PDZD2: variants seen among roughly 807,000 people sequenced by gnomAD.
The protein encoded by PDZD2 is PDZ domain containing 2.
In PDZD2, 90 loss-of-function variants were observed where a neutral mutation model predicts 220.7. That is an observed-to-expected ratio of 0.41 (90% CI 0.34 to 0.49). The LOEUF (loss-of-function observed/expected upper bound fraction) is 0.49. Among genes scored for constraint, PDZD2 ranks in the 20% least tolerant of loss-of-function variants. PDZD2 has a pLI of 0.28. For missense variants in PDZD2, 3,174 were observed against 3,608.5 expected (o/e 0.88, Z 3.08); for synonymous variants, 1,375 against 1,450.5 (o/e 0.95, Z 1.18).
intron 1 of PDZD2, among the ~76,000 whole-genome samples, chr5:31,641,725 G>C (rs1744956128): frequency 6.6e-6 from 1 of 152,094 alleles, no homozygotes; most frequent in African/African-American, 2.4e-5. Flanking sequence ...CTGGGCTCAA[G>C]TGATCCTGGT....
In PDZD2 at chr5:31,799,135, A is replaced by G. The variant is rs1330228235; in HGVS notation, c.-114A>G. 1.5e-6 allele frequency: 1 copy of G among 669,718 alleles called. No individual in the cohort carries two copies. Among genetic ancestry groups the G allele is most frequent in the East Asian group, 2.7e-5 (1 of 36,724 alleles). The allele number at this position is 669,718 out of a possible 1,614,324, so 41.5% of individuals were successfully genotyped here. A position where few individuals can be genotyped will look rare whatever the true frequency, so the allele number is the denominator to read the frequency against. On this transcript the variant is annotated 5_prime_UTR_variant, in exon 2 of 25. The change abolishes an upstream ATG in the 5' untranslated region. Transcript: ENST00000438447. Reference sequence around the variant, plus strand: ...CCTAGGCTCATCTGCCAGCCTGAACATGAACACAGGCAAAGCTGATGATGG... The same window carrying G: ...CCTAGGCTCATCTGCCAGCCTGAACGTGAACACAGGCAAAGCTGATGATGG...
intron 1 of PDZD2, among the ~76,000 whole-genome samples, chr5:31,778,321 G>A (rs182743294): frequency 4.1e-4 from 63 of 151,958 alleles, no homozygotes; most frequent in African/African-American, 1.4e-3. Context: ...CAAGAGGCTC[G>A]GGTCCCCTTC....
intron 2 of PDZD2, among the ~76,000 whole-genome samples, chr5:31,921,681 C>A (rs1055525625): frequency 2.6e-5 from 4 of 152,180 alleles, no homozygotes; most frequent in Middle Eastern, 3.4e-3. Flanking sequence ...CAGAGTGAGA[C>A]CCCATCTCAA....
At chr5:31,711,177 G>A (rs148074539) in intron 1 of PDZD2, among the ~76,000 whole-genome samples, 3 of 152,234 alleles carry the variant, frequency 2.0e-5, no homozygotes, top group Admixed American at 6.5e-5. Flanking sequence ...TATTGGTCAA[G>A]GGATCTGGAC....
intron 1 of PDZD2, among the ~76,000 whole-genome samples, chr5:31,682,093 G>A (rs751874092): frequency 1.3e-5 from 2 of 152,172 alleles, no homozygotes; most frequent in Non-Finnish European, 2.9e-5. Flanking sequence ...GACCCAAGTG[G>A]CGAGTTTAAA....
intron 2 of PDZD2, among the ~76,000 whole-genome samples, chr5:31,845,891 A>G (rs1017241796): frequency 6.6e-6 from 1 of 152,240 alleles, no homozygotes; most frequent in Non-Finnish European, 1.5e-5. Flanking sequence ...GTTCTGTTGG[A>G]CTTCAAATAG....
chr5:31,700,138 T>C (rs805210), intron 1 of PDZD2, among the ~76,000 whole-genome samples: 102,576 of 151,862 alleles, frequency 0.68, 35,160 homozygotes, highest in East Asian at 0.88. Context: ...TGGGAATGGA[T>C]TGGGGGACAC....
chr5:31,659,151 A>G (rs928718168), intron 1 of PDZD2, among the ~76,000 whole-genome samples: 2 of 152,020 alleles, frequency 1.3e-5, no homozygotes, highest in African/African-American at 4.8e-5. Context: ...ACCTCTTTAA[A>G]TAATACTTAA....
In PDZD2 at chr5:32,088,550, G is replaced by T; in HGVS notation, c.5102G>T (p.Ser1701Ile). ...GCAGAAGAAACCACAGAAGTCACCA[G>T]CGCTAGCTCAGCCATGGAAAACAGT... ...SCAEETTEVTSASSAMENSPL... is the reference protein window; with the variant it reads ...SCAEETTEVTIASSAMENSPL... The change falls in exon 20 of 25, where the codon AGC becomes ATC. Residue 1701 changes from serine (S) to isoleucine (I), a missense_variant. Around this residue, in one of 4 missense-constraint regions of PDZD2, gnomAD observed 1,861 missense variants for 2,001.0 expected, o/e 0.93. Coordinates refer to ENST00000438447, the MANE Select transcript of PDZD2 (RefSeq NM_178140.4). The surrounding 1 kb of genome is among the most constrained non-coding windows in gnomAD (Gnocchi z 4.6). 6.2e-7 allele frequency: 1 copy of T among 1,614,066 alleles called. No homozygotes were observed. The highest frequency in any genetic ancestry group is 1.6e-4 in the Middle Eastern group (1 of 6,062).
At chr5:31,857,244 C>G (rs949031049) in intron 2 of PDZD2, among the ~76,000 whole-genome samples, 4 of 152,190 alleles carry the variant, frequency 2.6e-5, no homozygotes, top group Admixed American at 6.5e-5. Context: ...GGGTCCCTCC[C>G]TCATGAGAAC....
chr5:31,864,190 C>G (rs953495154), intron 2 of PDZD2, among the ~76,000 whole-genome samples: 2 of 152,208 alleles, frequency 1.3e-5, no homozygotes, highest in African/African-American at 4.8e-5. Flanking sequence ...CTGATTTCTT[C>G]TAAGCGCTTG....
At chr5:31,921,529 C>T (rs1392800206) in intron 2 of PDZD2, among the ~76,000 whole-genome samples, 1 of 146,078 alleles carries the variant, frequency 6.8e-6, no homozygotes, top group African/African-American at 2.5e-5. Context: ...TCCAAAAATA[C>T]AAAAAAAAAA....
intron 4 of PDZD2, among the ~76,000 whole-genome samples, chr5:31,997,312 T>C (rs576180418): frequency 4.7e-4 from 71 of 152,296 alleles, no homozygotes; most frequent in Non-Finnish European, 7.5e-4. Flanking sequence ...GAGCTGGAGA[T>C]AGTCTGAAGA....
At chr5:31,862,101 G>GTTTTTTTTTTTTT (rs11417935) in intron 2 of PDZD2, among the ~76,000 whole-genome samples, 2 of 78,496 alleles carry the variant, frequency 2.5e-5, no homozygotes, top group African/African-American at 4.8e-5. Flanking sequence ...TTTTTTTTGG[G>GTTTTTTTTTTTTT]TTTTTTTTTT....
At chr5:32,045,113 A>G (rs13156866) in intron 7 of PDZD2, among the ~76,000 whole-genome samples, 4 of 152,068 alleles carry the variant, frequency 2.6e-5, no homozygotes, top group Non-Finnish European at 5.9e-5. Flanking sequence ...TCAGCTCAAA[A>G]GGAATTTTCT....
intron 5 of PDZD2, among the ~76,000 whole-genome samples, chr5:32,004,577 C>A (rs1752660385): frequency 6.6e-6 from 1 of 152,156 alleles, no homozygotes; most frequent in Non-Finnish European, 1.5e-5. Context: ...GGTGACAGAG[C>A]AAGACCCTGT....
At chr5:31,935,663 A>G (rs1745658956) in intron 2 of PDZD2, among the ~76,000 whole-genome samples, 1 of 152,234 alleles carries the variant, frequency 6.6e-6, no homozygotes, top group South Asian at 2.1e-4. Context: ...TGGCCCTTTA[A>G]TAAGTGCAAG....
chr5:32,097,427 A>G, intron 22 of PDZD2, 47 bp downstream of exon 22: 2 of 1,165,586 alleles, frequency 1.7e-6, no homozygotes, highest in Non-Finnish European at 1.3e-6. Context: ...CCCCTCAAGC[A>G]GCCTCAGAAT....
chr5:31,809,338 C>T lies in PDZD2; in HGVS notation c.476+9614C>T, dbSNP rs191908004. On this transcript the variant is annotated intron_variant, in intron 2 of 24. Transcript: ENST00000438447. ...TCACAGGCTGTGTGTGTTTCACCGC[C>T]GTGCTGTTTGGCTGATGTTTTCAGC... Among the ~76,000 whole-genome samples the T allele has an allele frequency of 2.3e-3, 357 of 152,308 alleles. 5 individuals are homozygous for T. The highest frequency in any genetic ancestry group is 1.2e-3 in the Non-Finnish European group (79 of 68,030).
Sources: gnomAD v4.1 joint callset for allele counts (sites outside exome capture counted in the v4.1 genomes callset) on GRCh38, gnomAD v4.1.1 for gene constraint, gnomAD v4.1.1 regional missense constraint, Gnocchi (gnomAD v3.1) non-coding constraint, MANE v1.5 for transcripts, NCBI Gene and HGNC (gene_info 2026-07-23, HGNC 2026-07-21) for gene names.